Variants in GABBR2 observed in about 807,000 individuals in gnomAD.
GABBR2 encodes G-protein coupled receptor 51.
Under a neutral mutation model 105.6 loss-of-function variants are expected in GABBR2, and 23 were observed. That is an observed-to-expected ratio of 0.22 (90% confidence interval 0.16 to 0.31). The LOEUF is 0.31. Ranked by LOEUF, GABBR2 falls within the 10% of genes least tolerant of loss-of-function variation. The pLI is 1.00. For missense variants in GABBR2, 734 were observed against 1,245.5 expected (o/e 0.59, Z 6.18); for synonymous variants, 478 against 499.7 (o/e 0.96, Z 0.58).
At chr9:98,295,490 C>T (rs959198527) in intron 17 of GABBR2, among the ~76,000 whole-genome samples, 1 of 152,076 alleles carries the variant, frequency 6.6e-6, no homozygotes, top group Non-Finnish European at 1.5e-5. Context: ...GTGCTGTTGG[C>T]TGTGAGTGCA....
intron 1 of GABBR2, among the ~76,000 whole-genome samples, chr9:98,699,754 A>G (rs1296576503): frequency 6.6e-6 from 1 of 152,064 alleles, no homozygotes; most frequent in Non-Finnish European, 1.5e-5. Flanking sequence ...TGCTGACCCT[A>G]TCTGGGGCTC....
intron 9 of GABBR2, among the ~76,000 whole-genome samples, chr9:98,393,017 TC>T (rs1186334478): frequency 1.1e-5 from 1 of 94,476 alleles, no homozygotes; most frequent in Non-Finnish European, 2.1e-5. Context: ...CACACACCCA[TC>T]CATGCATCCA....
chr9:98,654,794 T>C (rs1396939140), intron 1 of GABBR2, among the ~76,000 whole-genome samples: 4 of 152,212 alleles, frequency 2.6e-5, no homozygotes, highest in African/African-American at 9.7e-5. Flanking sequence ...AAAACCCACA[T>C]ACGGATATTT....
chr9:98,495,679 G>A (rs1827263235), intron 4 of GABBR2, among the ~76,000 whole-genome samples: 1 of 152,104 alleles, frequency 6.6e-6, no homozygotes, highest in Middle Eastern at 3.2e-3. Context: ...CTGGGCTCCT[G>A]TAGGAGGGGA....
intron 8 of GABBR2, among the ~76,000 whole-genome samples, chr9:98,403,164 C>T (rs1832425408): frequency 6.6e-6 from 1 of 151,778 alleles, no homozygotes. Flanking sequence ...CATGGTGGCA[C>T]GAGCCTGTAG....
chr9:98,701,071 C>T (rs1830824233), intron 1 of GABBR2, among the ~76,000 whole-genome samples: 1 of 152,166 alleles, frequency 6.6e-6, no homozygotes, highest in Admixed American at 6.5e-5. Flanking sequence ...CCATTTAGTA[C>T]CCCTGTTGGA....
intron 4 of GABBR2, among the ~76,000 whole-genome samples, chr9:98,491,392 C>T (rs1432336911): frequency 1.3e-5 from 2 of 152,192 alleles, no homozygotes; most frequent in Non-Finnish European, 2.9e-5. Flanking sequence ...AAAGTCTCTT[C>T]CTTTTGATAA....
At chr9:98,394,990 A>T (rs1832261335) in intron 8 of GABBR2, among the ~76,000 whole-genome samples, 1 of 152,140 alleles carries the variant, frequency 6.6e-6, no homozygotes, top group African/African-American at 2.4e-5. Context: ...GGCTCCTTGC[A>T]CTTGTTCAGT....
intron 9 of GABBR2, among the ~76,000 whole-genome samples, chr9:98,392,265 C>A (rs1018293249): frequency 7.9e-5 from 12 of 152,206 alleles, no homozygotes; most frequent in African/African-American, 2.9e-4. Flanking sequence ...CGTGTTTTTC[C>A]TGTAAGTTGT....
At chr9:98,347,198 A>G (rs7024780) in intron 13 of GABBR2, among the ~76,000 whole-genome samples, 4,431 of 152,336 alleles carry the variant, frequency 0.029, 230 homozygotes, top group African/African-American at 0.1. Context: ...TCCCACCAAC[A>G]GTGTATAAGA....
chr9:98,407,358 G>A (rs777843510), intron 7 of GABBR2, among the ~76,000 whole-genome samples: 1 of 152,134 alleles, frequency 6.6e-6, no homozygotes, highest in Non-Finnish European at 1.5e-5. Flanking sequence ...ATCCCAGAAC[G>A]AGAAACACCT....
intron 1 of GABBR2, among the ~76,000 whole-genome samples, chr9:98,684,145 AAAG>A (rs1830588953): frequency 7.1e-6 from 1 of 141,186 alleles, no homozygotes; most frequent in African/African-American, 2.6e-5. Context: ...TAAAAGGAAA[AAAG>A]AAGAATGCAT....
At position 98,436,183 on chromosome 9, in the gene GABBR2, C is replaced by T. The variant is rs146637426; in HGVS notation, c.1236+17798G>A. Among the ~76,000 whole-genome samples, 178 of 148,702 alleles carry T rather than the reference C, an allele frequency of 1.2e-3. 1 individual carries two copies. Among genetic ancestry groups the T allele is most frequent in the African/African-American group, 3.9e-3 (157 of 40,264 alleles). On this transcript the variant is annotated intron_variant, in intron 7 of 18. Coordinates refer to ENST00000259455, the MANE Select transcript of GABBR2 (RefSeq NM_005458.8). Reference sequence around the variant, plus strand: ...GGTCCCATCACTGATGATAAACCTTCCATGGCCCAGAAAGAGTGTTTTATT... The same window carrying T: ...GGTCCCATCACTGATGATAAACCTTTCATGGCCCAGAAAGAGTGTTTTATT...
At chr9:98,322,439 G>A (rs1026620084) in intron 13 of GABBR2, among the ~76,000 whole-genome samples, 1 of 152,000 alleles carries the variant, frequency 6.6e-6, no homozygotes, top group African/African-American at 2.4e-5. Context: ...CCTCGGTCAG[G>A]ACCTGGTCTC....
intron 7 of GABBR2, among the ~76,000 whole-genome samples, chr9:98,447,326 G>T (rs1826150884): frequency 2.0e-5 from 3 of 151,238 alleles, no homozygotes; most frequent in Admixed American, 6.6e-5. Context: ...GCCTCCCAAA[G>T]TGCTGGGATT....
intron 12 of GABBR2, among the ~76,000 whole-genome samples, chr9:98,363,939 G>C (rs181408271): frequency 4.3e-4 from 65 of 152,238 alleles, no homozygotes; most frequent in African/African-American, 1.6e-3. Context: ...TTCTGGAAGA[G>C]ACTCATGGAA....
chr9:98,566,611 C>G (rs928761850), intron 2 of GABBR2, among the ~76,000 whole-genome samples: 4 of 151,794 alleles, frequency 2.6e-5, no homozygotes, highest in African/African-American at 9.7e-5. Flanking sequence ...GGAGGTGGAG[C>G]TTGTAGTGAG....
chr9:98,406,384 C>T (rs985166587), intron 7 of GABBR2, among the ~76,000 whole-genome samples: 1 of 152,224 alleles, frequency 6.6e-6, no homozygotes, highest in African/African-American at 2.4e-5. Flanking sequence ...TGAATTGAAG[C>T]CAAGATAAGC....
chr9:98,684,169 T>TAA lies in GABBR2; in HGVS notation c.321+24246_321+24247dup, dbSNP rs3032196. ...AAAAGAAGAATGCATTTTACCACGG[T>TAA]AAAAAAAAAAAAAAAAAAAAAAAAA... On this transcript the variant is annotated intron_variant, in intron 1 of 18. Transcript: ENST00000259455. Among the ~76,000 whole-genome samples, 382 of 66,114 alleles carry TAA rather than the reference T, an allele frequency of 5.8e-3. 5 individuals carry two copies. The highest frequency in any genetic ancestry group is 0.024 in the Middle Eastern group (2 of 82). 43.4% of individuals were successfully genotyped at this position (66,114 alleles called of 152,430 possible).
Sources: allele counts gnomAD v4.1 joint callset (sites outside exome capture counted in the v4.1 genomes callset), GRCh38; gene constraint gnomAD v4.1.1; transcripts MANE v1.5; gene names NCBI Gene and HGNC (gene_info 2026-07-23, HGNC 2026-07-21).